The following NCMAP variants were observed in gnomAD, a reference collection of about 807,000 sequenced individuals.
NCMAP encodes non-compact myelin associated protein, also known as noncompact myelin-associated protein.
A neutral mutation model predicts 7.8 loss-of-function variants in NCMAP; 8 were observed. The observed-to-expected ratio is 1.02, with a 90% CI of 0.60 to 1.84. The LOEUF (loss-of-function observed/expected upper bound fraction) is 1.84, where lower values mean the gene tolerates loss of function less well. Among genes scored for constraint, NCMAP ranks in the 40% most tolerant of loss-of-function variants. The pLI, the probability that NCMAP is intolerant of heterozygous loss-of-function variation, is 0.00. For synonymous variants in NCMAP, 41 were observed against 52.9 expected (o/e 0.78, Z 0.98); for missense variants, 112 against 131.4 (o/e 0.85, Z 0.72).
At chr1:24,595,316 A>G in intron 1 of NCMAP, 108 bp from the exon 2 acceptor site, 1 of 696,604 alleles carries the variant, frequency 1.4e-6, no homozygotes, top group Non-Finnish European at 2.4e-6. Context: ...GAGAAACTGC[A>G]TGCTTGAATA....
intron 3 of NCMAP, among the ~76,000 whole-genome samples, chr1:24,601,822 C>G (rs186247785): frequency 6.6e-6 from 1 of 152,058 alleles, no homozygotes; most frequent in African/African-American, 2.4e-5. Flanking sequence ...GGGCAGATAA[C>G]GAGGTCAGGA....
At chr1:24,577,401 G>GTTTTTTTTTTTTTT (rs71577720) in intron 1 of NCMAP, among the ~76,000 whole-genome samples, 16 of 39,944 alleles carry the variant, frequency 4.0e-4, no homozygotes, top group African/African-American at 6.4e-4. Flanking sequence ...CACTGGCCTT[G>GTTTTTTTTTTTTTT]TTTTTTTTTT....
chr1:24,589,064 G>T (rs980988432), intron 1 of NCMAP, among the ~76,000 whole-genome samples: 2 of 152,164 alleles, frequency 1.3e-5, no homozygotes, highest in African/African-American at 4.8e-5. Context: ...TTTCTTCTCT[G>T]CTCCAAGCCT....
intron 3 of NCMAP, among the ~76,000 whole-genome samples, chr1:24,603,905 G>C (rs544130905): frequency 1.2e-4 from 19 of 152,236 alleles, no homozygotes; most frequent in Non-Finnish European, 2.4e-4. Flanking sequence ...CTGAGACTGG[G>C]TAAATTATAC....
At chr1:24,584,258 C>G (rs942967123) in intron 1 of NCMAP, among the ~76,000 whole-genome samples, 3 of 152,184 alleles carry the variant, frequency 2.0e-5, no homozygotes, top group African/African-American at 4.8e-5. Flanking sequence ...ACGGAAGCCA[C>G]AGGTCACATT....
At chr1:24,594,900 A>AAT (rs1553157164) in intron 1 of NCMAP, among the ~76,000 whole-genome samples, 8 of 152,008 alleles carry the variant, frequency 5.3e-5, no homozygotes, top group African/African-American at 1.4e-4. Flanking sequence ...TAAAAAAAAA[A>AAT]TTTTTTAAAT....
At chr1:24,602,397 C>T (rs1320170175) in intron 3 of NCMAP, among the ~76,000 whole-genome samples, 6 of 147,076 alleles carry the variant, frequency 4.1e-5, no homozygotes, top group Non-Finnish European at 8.9e-5. Flanking sequence ...GGTGAAACCC[C>T]GTCTCTACTA....
At chr1:24,582,419 T>A (rs962596331) in intron 1 of NCMAP, among the ~76,000 whole-genome samples, 2 of 152,162 alleles carry the variant, frequency 1.3e-5, no homozygotes, top group African/African-American at 4.8e-5. Flanking sequence ...GTTCATGACT[T>A]TGAGGTGGGG....
Position 24,576,982 on chromosome 1 carries a change from A to AC in NCMAP, c.-7-18442_-7-18441insC, listed in dbSNP as rs1488544129. On this transcript the variant is annotated intron_variant, in intron 1 of 3. Transcript: ENST00000374392. The surrounding 1 kb of genome is among the most constrained non-coding windows in gnomAD (Gnocchi z 4.0). The stretch of plus-strand genomic sequence containing the variant: ...GTCTCTACTAAAAGCACACACACAC[A>AC]AAAAAATTAGCTGGGCGTGGTGGTG... 4.6e-5 allele frequency among the ~76,000 whole-genome samples: 7 copies of AC among 151,636 alleles called. No homozygotes were observed. Among genetic ancestry groups the AC allele is most frequent in the East Asian group, 1.9e-4 (1 of 5,144 alleles).
chr1:24,594,300 C>G (rs906752922), intron 1 of NCMAP, among the ~76,000 whole-genome samples: 1 of 152,076 alleles, frequency 6.6e-6, no homozygotes, highest in African/African-American at 2.4e-5. Flanking sequence ...TGGCTCACCC[C>G]TCAAATGTAA....
At chr1:24,564,524 AAAAAAAAAC>A (rs1187522984) in intron 1 of NCMAP, among the ~76,000 whole-genome samples, 8 of 148,524 alleles carry the variant, frequency 5.4e-5, no homozygotes, top group Non-Finnish European at 1.2e-4. Context: ...AAAAAAAAAA[AAAAAAAAAC>A]AAAAAAAAAC....
chr1:24,591,951 C>T (rs1652060676), intron 1 of NCMAP, among the ~76,000 whole-genome samples: 1 of 152,170 alleles, frequency 6.6e-6, no homozygotes, highest in African/African-American at 2.4e-5. Context: ...ATGGCCTGAC[C>T]CTAGTGGGTG....
intron 1 of NCMAP, among the ~76,000 whole-genome samples, chr1:24,561,947 G>C (rs1309523794): frequency 2.0e-5 from 3 of 151,412 alleles, no homozygotes; most frequent in African/African-American, 4.8e-5. Flanking sequence ...GAGGGACAAA[G>C]AACTGGAGAA....
chr1:24,587,645 C>A (rs1417587639), intron 1 of NCMAP, among the ~76,000 whole-genome samples: 1 of 152,112 alleles, frequency 6.6e-6, no homozygotes, highest in Non-Finnish European at 1.5e-5. Flanking sequence ...TCCCAAGTAG[C>A]TAAGACTACA....
rs912175713 is a variant in NCMAP, at chr1:24,609,202, T to C, written c.*3455T>C. Reference sequence around the variant, plus strand: ...GGTCTCATGCAGGGATCTCACCACGTGGTTATGTATTTTGTTTCTGATGAG... The same window carrying C: ...GGTCTCATGCAGGGATCTCACCACGCGGTTATGTATTTTGTTTCTGATGAG... On this transcript the variant is annotated 3_prime_UTR_variant, in exon 4 of 4. Transcript: ENST00000374392. The C allele has an allele frequency of 6.6e-6, 1 of 152,206 alleles. No individual in the cohort carries two copies. Among genetic ancestry groups the C allele is most frequent in the African/African-American group, 2.4e-5 (1 of 41,438 alleles). The allele number at this position is 152,206 out of a possible 1,614,324, so 9.4% of individuals were successfully genotyped here.
intron 1 of NCMAP, among the ~76,000 whole-genome samples, chr1:24,587,014 AC>A (rs1425161466): frequency 2.6e-5 from 4 of 152,162 alleles, no homozygotes; most frequent in Admixed American, 6.6e-5. Flanking sequence ...TGGAGTTGTG[AC>A]TTTTATAATT....
chr1:24,589,805 T>C (rs1651994339), intron 1 of NCMAP, among the ~76,000 whole-genome samples: 1 of 152,200 alleles, frequency 6.6e-6, no homozygotes, highest in Non-Finnish European at 1.5e-5. Context: ...TAAGTGTGGA[T>C]AGTTAGCTTT....
intron 1 of NCMAP, among the ~76,000 whole-genome samples, chr1:24,585,552 A>T (rs776739683): frequency 3.9e-5 from 6 of 152,214 alleles, no homozygotes; most frequent in Non-Finnish European, 7.3e-5. Flanking sequence ...CACTGGTTGG[A>T]AAAGCCCTTA....
intron 1 of NCMAP, among the ~76,000 whole-genome samples, chr1:24,588,447 G>A (rs900825450): frequency 6.6e-6 from 1 of 152,170 alleles, no homozygotes; most frequent in Non-Finnish European, 1.5e-5. Context: ...GGTCAATTGA[G>A]GAGAGGTCTG....
Sources: allele counts gnomAD v4.1 joint callset (sites outside exome capture counted in the v4.1 genomes callset), GRCh38; gene constraint gnomAD v4.1.1; non-coding constraint Gnocchi (gnomAD v3.1); transcripts MANE v1.5; gene names NCBI Gene and HGNC (gene_info 2026-07-23, HGNC 2026-07-21).